The following PCDHGB6 variants were observed in gnomAD, a reference collection of about 807,000 sequenced individuals.
The protein encoded by PCDHGB6 is protocadherin gamma-B6.
Under a neutral mutation model 59.1 loss-of-function variants are expected in PCDHGB6, and 51 were observed. The ratio of observed to expected loss-of-function variants is 0.86; its 90% CI spans 0.69 to 1.09. PCDHGB6 has a LOEUF of 1.09. Ranked by LOEUF, PCDHGB6 falls within the 50% of genes least tolerant of loss-of-function variation. The probability of loss-of-function intolerance (pLI) is 0.00; values close to 1 mark genes in which losing one functional copy is unlikely to be tolerated. For synonymous variants in PCDHGB6, 466 were observed against 495.1 expected, an observed-to-expected ratio of 0.94 and a Z score of 0.78; for missense variants, 1,148 against 1,205.1, an observed-to-expected ratio of 0.95 and a Z score of 0.70.
Position 141,504,006 on chromosome 5 carries a change from G to C in PCDHGB6, c.2478-1387G>C, listed in dbSNP as rs138738950. Among the ~76,000 whole-genome samples, 1,431 of 152,182 alleles carry C rather than the reference G, an allele frequency of 9.4e-3. 31 individuals are homozygous for C. The highest frequency in any genetic ancestry group is 0.033 in the African/African-American group (1,367 of 41,490). On this transcript the variant is annotated intron_variant, in intron 2 of 3. Coordinates refer to ENST00000520790, the MANE Select transcript of PCDHGB6 (RefSeq NM_018926.3). The stretch of plus-strand genomic sequence containing the variant: ...CTTCTTACCTTACAGTCACTTAACT[G>C]TCTCTGCTGGTCTCTTCCCACTCAT...
rs751024373 is a variant in PCDHGB6, at chr5:141,491,801, G to A, written c.2419-3006G>A. On this transcript the variant is annotated intron_variant, in intron 1 of 3. Coordinates refer to ENST00000520790, the MANE Select transcript of PCDHGB6 (RefSeq NM_018926.3). The surrounding 1 kb of genome is among the most constrained non-coding windows in gnomAD (Gnocchi z 6.9). ...AACTTGCATCCACTCCTCTCCGGCC[G>A]GCTTGGTCGCTGGCTGCGCTCCACC... 2.7e-6 allele frequency: 4 copies of A among 1,500,726 alleles called. No homozygotes were observed. The Admixed American group carries it at 7.3e-5, about 28-fold the overall frequency. 93.0% of individuals were successfully genotyped at this position (1,500,726 alleles called of 1,614,324 possible). A position where few individuals can be genotyped will look rare whatever the true frequency, so the allele number is the denominator to read the frequency against.
intron 1 of PCDHGB6, among the ~76,000 whole-genome samples, chr5:141,456,902 G>A (rs886945444): frequency 6.6e-6 from 1 of 152,294 alleles, no homozygotes; most frequent in South Asian, 2.1e-4. Flanking sequence ...GGCAGAGGTT[G>A]CAGTGAGCCG....
rs539719239 is a variant in PCDHGB6, at chr5:141,431,888, G to A, written c.2418+21268G>A. The A allele has an allele frequency of 6.2e-7, 1 of 1,614,200 alleles. No homozygotes were observed. The highest frequency in any genetic ancestry group is 1.7e-5 in the Admixed American group (1 of 60,036). On this transcript the variant is annotated intron_variant, in intron 1 of 3. Coordinates refer to ENST00000520790, the MANE Select transcript of PCDHGB6 (RefSeq NM_018926.3). The surrounding 1 kb of genome is among the most constrained non-coding windows in gnomAD (Gnocchi z 4.8). ...TTTAAATGTAAATGACCAAGATTCT[G>A]AGGAAAACGGACAGGTGATCTGTTT... is the stretch of plus-strand genomic sequence containing the variant.
chr5:141,419,217 G>A (rs1407588828), intron 1 of PCDHGB6: 1 of 1,613,936 alleles, frequency 6.2e-7, no homozygotes, highest in Admixed American at 1.7e-5. Context: ...CCGGTTTTCG[G>A]ACAGTCAGCC....
intron 1 of PCDHGB6, chr5:141,421,860 C>G: frequency 8.1e-6 from 13 of 1,613,750 alleles, no homozygotes; most frequent in Non-Finnish European, 1.1e-5. Context: ...CTCACCTGCT[C>G]CTCCTCACAG....
intron 1 of PCDHGB6, chr5:141,413,563 A>G: frequency 6.2e-7 from 1 of 1,613,918 alleles, no homozygotes; most frequent in Non-Finnish European, 8.5e-7. Context: ...AGTAACTGAT[A>G]TCAATGACAA....
chr5:141,473,193 A>G (rs938175797), intron 1 of PCDHGB6, among the ~76,000 whole-genome samples: 2 of 152,232 alleles, frequency 1.3e-5, no homozygotes, highest in African/African-American at 4.8e-5. Flanking sequence ...GAGTAAATGT[A>G]TCTTCTAAAA....
chr5:141,425,834 C>A (rs925446924), intron 1 of PCDHGB6, among the ~76,000 whole-genome samples: 1 of 152,220 alleles, frequency 6.6e-6, no homozygotes, highest in Non-Finnish European at 1.5e-5. Context: ...CTTTTAAATT[C>A]TCTTTGCTGG....
intron 1 of PCDHGB6, among the ~76,000 whole-genome samples, chr5:141,464,197 G>A (rs1216682352): frequency 3.3e-5 from 5 of 151,394 alleles, no homozygotes; most frequent in African/African-American, 9.7e-5. Context: ...TTCAGGAGGC[G>A]GAGATTGCAG....
chr5:141,450,893 C>T (rs1306212499), intron 1 of PCDHGB6, among the ~76,000 whole-genome samples: 3 of 149,144 alleles, frequency 2.0e-5, no homozygotes, highest in East Asian at 2.0e-4. Flanking sequence ...GGTGCGATAT[C>T]GGCTCACTGC....
intron 1 of PCDHGB6, chr5:141,478,910 A>C (rs568573298): frequency 1.1e-6 from 1 of 893,688 alleles, no homozygotes; most frequent in Non-Finnish European, 1.6e-6. Context: ...AAGCTGCTGG[A>C]TACCTCTAAC....
At chr5:141,450,887 C>T (rs531604055) in intron 1 of PCDHGB6, among the ~76,000 whole-genome samples, 18 of 148,682 alleles carry the variant, frequency 1.2e-4, no homozygotes, top group East Asian at 1.2e-3. Flanking sequence ...TGCAGTGGTG[C>T]GATATCGGCT....
chr5:141,443,826 G>C (rs955306823), intron 1 of PCDHGB6, among the ~76,000 whole-genome samples: 1 of 151,978 alleles, frequency 6.6e-6, no homozygotes, highest in African/African-American at 2.4e-5. Flanking sequence ...AACATAATTA[G>C]GTAAAATGGG....
At chr5:141,497,101 G>A (rs1465038195) in intron 2 of PCDHGB6, among the ~76,000 whole-genome samples, 1 of 152,042 alleles carries the variant, frequency 6.6e-6, no homozygotes, top group African/African-American at 2.4e-5. Flanking sequence ...AGGCAGAACT[G>A]CTTGAACCCG....
At position 141,489,244 on chromosome 5, in the gene PCDHGB6, G is replaced by C. The variant is rs145484133; in HGVS notation, c.2419-5563G>C. The C allele has an allele frequency of 3.3e-6, 5 of 1,534,936 alleles. No homozygotes were observed. Among genetic ancestry groups the C allele is most frequent in the African/African-American group, 1.4e-5 (1 of 72,374 alleles). On this transcript the variant is annotated intron_variant, in intron 1 of 3. Transcript: ENST00000520790. This position sits in a 1 kb window ranked among gnomAD's most constrained non-coding sequence, Gnocchi z 4.5. ...TCCACAAAGGGACTTCTGGGTCATGGGGCCCAAGACACTCCCACAGCTCGC... is the reference window on the plus strand; with the variant it reads ...TCCACAAAGGGACTTCTGGGTCATGCGGCCCAAGACACTCCCACAGCTCGC...
At chr5:141,427,858 C>T in intron 1 of PCDHGB6, 1 of 1,555,500 alleles carries the variant, frequency 6.4e-7, no homozygotes, top group South Asian at 1.1e-5. Context: ...CAGCTGTGCG[C>T]CTTCGAGCTC....
intron 1 of PCDHGB6, among the ~76,000 whole-genome samples, chr5:141,438,564 T>A (rs1192918137): frequency 1.5e-5 from 2 of 137,114 alleles, no homozygotes; most frequent in Non-Finnish European, 3.1e-5. Flanking sequence ...AAGAGGCAGC[T>A]GTCTGATATA....
chr5:141,408,401 C>T lies in PCDHGB6; in HGVS notation c.199C>T (p.Arg67Ter). The change falls in exon 1 of 4, where the codon CGA becomes TGA. Residue 67 changes from arginine to a stop codon, truncating the protein, a stop_gained. Coordinates refer to ENST00000520790, the MANE Select transcript of PCDHGB6 (RefSeq NM_018926.3). LOFTEE classifies it high-confidence loss of function. ...SVLDVSARKL[R>*]VSAEKLHFSV... ...CCTGGATGTGTCGGCTCGCAAGCTG[C>T]GAGTGAGCGCGGAGAAGCTGCACTT... The T allele has an allele frequency of 1.2e-6, 2 of 1,614,010 alleles. No homozygotes were observed. Among genetic ancestry groups the T allele is most frequent in the Non-Finnish European group, 8.5e-7 (1 of 1,179,876 alleles).
intron 3 of PCDHGB6, among the ~76,000 whole-genome samples, chr5:141,509,574 G>T (rs554778751): frequency 6.6e-6 from 1 of 152,300 alleles, no homozygotes; most frequent in South Asian, 2.1e-4. Context: ...TTCACAGTGC[G>T]TACAAATCAG....
Sources: allele counts gnomAD v4.1 joint callset (sites outside exome capture counted in the v4.1 genomes callset), GRCh38; gene constraint gnomAD v4.1.1; non-coding constraint Gnocchi (gnomAD v3.1); transcripts MANE v1.5; gene names NCBI Gene and HGNC (gene_info 2026-07-23, HGNC 2026-07-21).